The following ASIC4 variants were observed in gnomAD, a reference collection of about 807,000 sequenced individuals.
ASIC4 encodes acid sensing ion channel subunit family member 4.
Under a neutral mutation model 53.4 loss-of-function variants are expected in ASIC4, and 28 were observed. That is an observed-to-expected ratio of 0.52 (90% CI 0.39 to 0.72). ASIC4 has a LOEUF of 0.72. Among genes scored for constraint, ASIC4 ranks in the 30% least tolerant of loss-of-function variants. ASIC4 has a pLI of 0.00. For synonymous variants in ASIC4, 289 were observed against 301.4 expected, an observed-to-expected ratio of 0.96 and a Z score of 0.43; for missense variants, 649 against 729.7, an observed-to-expected ratio of 0.89 and a Z score of 1.27.
At chr2:219,514,120 C>A, upstream of ASIC4, 1 of 577,250 alleles carries the variant, frequency 1.7e-6, no homozygotes, top group Non-Finnish European at 3.0e-6. Context: ...GCTGAGGACC[C>A]TGGGCACGGC....
At chr2:219,530,239 A>G (rs943743469) in intron 1 of ASIC4, among the ~76,000 whole-genome samples, 2 of 152,186 alleles carry the variant, frequency 1.3e-5, no homozygotes, top group African/African-American at 4.8e-5. Flanking sequence ...GGGGGGAACT[A>G]GAACCCGCCT....
At chr2:219,521,290 C>T (rs1694880166) in intron 1 of ASIC4, among the ~76,000 whole-genome samples, 2 of 152,216 alleles carry the variant, frequency 1.3e-5, no homozygotes, top group Admixed American at 6.5e-5. Context: ...GAATCAGCCC[C>T]GAGCTGGGCT....
At position 219,536,908 on chromosome 2, in the gene ASIC4, C is replaced by T. The variant is rs1028621763; in HGVS notation, c.1230-158C>T. On this transcript the variant is annotated intron_variant, in intron 6 of 9. Transcript: ENST00000358078. The surrounding 1 kb of genome is among the most constrained non-coding windows in gnomAD (Gnocchi z 4.6). Reference sequence around the variant, plus strand: ...TCAAAAGATGAAGCTAACACACATCCGGGACTGCCTCCCCTCACAGCCTTG... The same window carrying T: ...TCAAAAGATGAAGCTAACACACATCTGGGACTGCCTCCCCTCACAGCCTTG... Among the ~76,000 whole-genome samples, 7 of 152,134 alleles carry T rather than the reference C, an allele frequency of 4.6e-5. No individual in the cohort carries two copies. The highest frequency in any genetic ancestry group is 1.4e-4 in the African/African-American group (6 of 41,424).
At chr2:219,523,824 CT>C (rs35642288) in intron 1 of ASIC4, among the ~76,000 whole-genome samples, 74,491 of 145,866 alleles carry the variant, frequency 0.51, 19,527 homozygotes, top group African/African-American at 0.69. Context: ...CCCATAAGCA[CT>C]TTTTTTTTTT....
At chr2:219,508,251 C>A in the ASIC4 span, among the ~76,000 whole-genome samples, 12 of 152,154 alleles carry the variant, frequency 7.9e-5, no homozygotes, top group Admixed American at 2.0e-4. Flanking sequence ...TCTCCTCCCC[C>A]CTAGTCCTGA....
Position 219,537,822 on chromosome 2 carries a change from A to C in ASIC4, c.1506+86A>C. 1 of 1,517,392 alleles carries C rather than the reference A, an allele frequency of 6.6e-7. No homozygotes were observed. The highest frequency in any genetic ancestry group is 9.0e-7 in the Non-Finnish European group (1 of 1,112,010). The allele number at this position is 1,517,392 out of a possible 1,614,324, so 94.0% of individuals were successfully genotyped here. A position where few individuals can be genotyped will look rare whatever the true frequency, so the allele number is the denominator to read the frequency against. On this transcript the variant is annotated intron_variant, in intron 9 of 9. Transcript: ENST00000358078. This position sits in a 1 kb window ranked among gnomAD's most constrained non-coding sequence, Gnocchi z 4.9. ...CCATTGTTTCTGAACCAGCCTGTGGAGGGGGCCCTGGAGCCTCTGCCCGAG... is the reference window on the plus strand; with the variant it reads ...CCATTGTTTCTGAACCAGCCTGTGGCGGGGGCCCTGGAGCCTCTGCCCGAG...
chr2:219,519,717 G>A (rs1694856313), intron 1 of ASIC4, among the ~76,000 whole-genome samples: 2 of 152,256 alleles, frequency 1.3e-5, no homozygotes, highest in South Asian at 4.1e-4. Context: ...TGCCGTGTTG[G>A]ACAGCGCAGC....
At chr2:219,530,746 A>G (rs921091594) in intron 1 of ASIC4, among the ~76,000 whole-genome samples, 10 of 149,132 alleles carry the variant, frequency 6.7e-5, no homozygotes, top group African/African-American at 2.6e-4. Flanking sequence ...CGAGGAGAAA[A>G]GGAGTCCAGG....
chr2:219,535,343 G>GGC lies in ASIC4; in HGVS notation c.1229+20_1229+21insCG, dbSNP rs749503740. The GGC allele has an allele frequency of 1.5e-4, 232 of 1,543,638 alleles. 1 individual carries two copies. Among genetic ancestry groups the GGC allele is most frequent in the Non-Finnish European group, 1.9e-4 (215 of 1,145,686 alleles). On this transcript the variant is annotated intron_variant, in intron 6 of 9. Coordinates refer to ENST00000358078, the MANE Select transcript of ASIC4 (RefSeq NM_018674.6). ...ACATACGGTATGTGTGTGTGTGTGTGGGGGGTGGCTGTGTGACTCTGTGTG... is the reference window on the plus strand; with the variant it reads ...ACATACGGTATGTGTGTGTGTGTGTGGCGGGGGTGGCTGTGTGACTCTGTGTG...
At position 219,537,852 on chromosome 2, in the gene ASIC4, CAAGGA is replaced by C; in HGVS notation, c.1507-76_1507-72del. ...GCCCTGGAGCCTCTGCCCGAGGTGA[CAAGGA>C]AAGGCTGGCGGTGTGAGCCCTGGGG... On this transcript the variant is annotated intron_variant, in intron 9 of 9. Coordinates refer to ENST00000358078, the MANE Select transcript of ASIC4 (RefSeq NM_018674.6). This position sits in a 1 kb window ranked among gnomAD's most constrained non-coding sequence, Gnocchi z 4.9. 1 of 1,491,118 alleles carries C rather than the reference CAAGGA, an allele frequency of 6.7e-7. No individual in the cohort carries two copies. The highest frequency in any genetic ancestry group is 9.2e-7 in the Non-Finnish European group (1 of 1,090,142). 92.4% of individuals were successfully genotyped at this position (1,491,118 alleles called of 1,614,324 possible).
chr2:219,507,580 C>T, the ASIC4 span, among the ~76,000 whole-genome samples: 1 of 152,194 alleles, frequency 6.6e-6, no homozygotes, highest in South Asian at 2.1e-4. Flanking sequence ...CCCTCACCAC[C>T]TCCTGTCCCC....
At chr2:219,529,244 G>A (rs1695002812) in intron 1 of ASIC4, among the ~76,000 whole-genome samples, 1 of 152,216 alleles carries the variant, frequency 6.6e-6, no homozygotes, top group Admixed American at 6.5e-5. Context: ...CATACTGAGT[G>A]CTCCTGAGCT....
chr2:219,531,484 G>T (rs553705747), intron 1 of ASIC4, among the ~76,000 whole-genome samples: 1 of 152,204 alleles, frequency 6.6e-6, no homozygotes, highest in Non-Finnish European at 1.5e-5. Context: ...TAGTGGGGTG[G>T]TTTACTAGGG....
At chr2:219,513,304 G>A (rs996509694), upstream of ASIC4, among the ~76,000 whole-genome samples, 27 of 151,992 alleles carry the variant, frequency 1.8e-4, no homozygotes, top group Non-Finnish European at 2.9e-5. Context: ...GGGCCCCAGA[G>A]CACAAGCACT....
chr2:219,533,248 C>G, intron 5 of ASIC4: 1 of 491,522 alleles, frequency 2.0e-6, no homozygotes, highest in Non-Finnish European at 3.7e-6. Context: ...GAAATGACTT[C>G]TCTCTTGGTC....
At chr2:219,513,417 C>T (rs1010711292), upstream of ASIC4, among the ~76,000 whole-genome samples, 3 of 152,084 alleles carry the variant, frequency 2.0e-5, no homozygotes, top group African/African-American at 7.2e-5. Context: ...TGCCTGTTCC[C>T]CTCCACGAGA....
At position 219,518,315 on chromosome 2, in the gene ASIC4, G is replaced by A. The variant is rs1292771042; in HGVS notation, c.582+3009G>A. Among the ~76,000 whole-genome samples, 2 of 152,160 alleles carry A rather than the reference G, an allele frequency of 1.3e-5. No individual in the cohort carries two copies. The highest frequency in any genetic ancestry group is 6.5e-5 in the Admixed American group (1 of 15,276). On this transcript the variant is annotated intron_variant, in intron 1 of 9. Transcript: ENST00000358078. The surrounding 1 kb of genome is among the most constrained non-coding windows in gnomAD (Gnocchi z 4.8). ...AAGGTGCCAGGATCAATTGCCAGACGAGGTGCATGGGTAGTAAGAGGTCGA... is the reference window on the plus strand; with the variant it reads ...AAGGTGCCAGGATCAATTGCCAGACAAGGTGCATGGGTAGTAAGAGGTCGA...
upstream of ASIC4, among the ~76,000 whole-genome samples, chr2:219,511,577 C>A (rs1253801838): frequency 1.3e-5 from 2 of 152,192 alleles, no homozygotes; most frequent in African/African-American, 2.4e-5. The surrounding 1 kb of genome is among the most constrained non-coding windows in gnomAD (Gnocchi z 5.3). Flanking sequence ...TCTGACCCCG[C>A]AACACCCAGC....
chr2:219,509,105 G>A, the ASIC4 span, among the ~76,000 whole-genome samples: 6 of 152,072 alleles, frequency 3.9e-5, no homozygotes, highest in East Asian at 1.2e-3. This position sits in a 1 kb window ranked among gnomAD's most constrained non-coding sequence, Gnocchi z 5.2. Flanking sequence ...TGGGGGCAGA[G>A]CCCTCATCTC....
Sources: allele counts gnomAD v4.1 joint callset (sites outside exome capture counted in the v4.1 genomes callset), GRCh38; gene constraint gnomAD v4.1.1; non-coding constraint Gnocchi (gnomAD v3.1); transcripts MANE v1.5; gene names NCBI Gene and HGNC (gene_info 2026-07-23, HGNC 2026-07-21).